IPO7: variants seen among roughly 807,000 people sequenced by gnomAD.
IPO7 encodes the protein importin-7.
A neutral mutation model predicts 136.4 loss-of-function variants in IPO7; 13 were observed. The ratio of observed to expected loss-of-function variants is 0.10; its 90% confidence interval spans 0.06 to 0.15. The LOEUF (loss-of-function observed/expected upper bound fraction) is 0.15, where lower values mean the gene tolerates loss of function less well. Ranked by LOEUF, IPO7 falls within the 10% of genes least tolerant of loss-of-function variation. IPO7 has a pLI of 1.00. For synonymous variants in IPO7, 403 were observed against 404.4 expected (o/e 1.00, Z 0.04); for missense variants, 857 against 1,240.6 (o/e 0.69, Z 4.65).
At chr11:9,411,653 A>G (rs1854969789) in intron 4 of IPO7, among the ~76,000 whole-genome samples, 1 of 152,128 alleles carries the variant, frequency 6.6e-6, no homozygotes, top group South Asian at 2.1e-4. Flanking sequence ...ATTTTTTTTT[A>G]ACAGAATAGT....
At chr11:9,392,183 T>TC (rs1854643353) in intron 1 of IPO7, 1 of 332,146 alleles carries the variant, frequency 3.0e-6, no homozygotes, top group Non-Finnish European at 5.8e-6. Flanking sequence ...TTTTTTTTTT[T>TC]TTTTTTTTTT....
chr11:9,395,786 G>A (rs1854699876), intron 1 of IPO7, among the ~76,000 whole-genome samples: 1 of 151,968 alleles, frequency 6.6e-6, no homozygotes, highest in Non-Finnish European at 1.5e-5. Context: ...GCGCAATCTC[G>A]GCTCACTGCA....
Position 9,433,765 on chromosome 11 carries a change from C to A in IPO7, c.1993C>A (p.Gln665Lys). 1 of 1,611,820 alleles carries A rather than the reference C, an allele frequency of 6.2e-7. No individual in the cohort carries two copies. Among genetic ancestry groups the A allele is most frequent in the South Asian group, 1.1e-5 (1 of 90,978 alleles). The change falls in exon 18 of 25, where the codon CAA becomes AAA. Residue 665 changes from glutamine to lysine, a missense_variant. Transcript: ENST00000379719. ...CTCTTTAGCGCACAGTTTGACATGT[C>A]AACAAGTGTCTCCACAGATGTGGCA... is the stretch of plus-strand genomic sequence containing the variant. ...IFSLAHSLTC[Q>K]QVSPQMWQLL...
chr11:9,419,559 AATATATATATAT>A (rs1244588095), intron 6 of IPO7, among the ~76,000 whole-genome samples: 2 of 116,866 alleles, frequency 1.7e-5, no homozygotes, highest in East Asian at 2.4e-4. Context: ...AAAAAAAAAA[AATATATATATAT>A]ATATATATAT....
rs147354489 is a variant in IPO7 at position 9,429,793 on chromosome 11, G to A, written c.1711G>A (p.Glu571Lys). The part of the protein sequence containing the change: ...VIQKMICEYS[E>K]EVTPIAVEMT... ...TCAGAAAATGATCTGTGAATATAGT[G>A]AAGAAGTTACTCCTATTGCAGTAGA... is the stretch of plus-strand genomic sequence containing the variant. The change falls in exon 15 of 25, where the codon GAA (glutamate) becomes AAA (lysine). Residue 571 changes from glutamate to lysine, a missense_variant. Coordinates refer to ENST00000379719, the MANE Select transcript of IPO7 (RefSeq NM_006391.3). 6.6e-5 allele frequency: 106 copies of A among 1,602,740 alleles called. No individual in the cohort carries two copies. In the African/African-American group the frequency reaches 1.3e-3, roughly 19 times the overall value.
At chr11:9,406,590 G>T (rs927752465) in intron 2 of IPO7, among the ~76,000 whole-genome samples, 1 of 152,092 alleles carries the variant, frequency 6.6e-6, no homozygotes, top group Non-Finnish European at 1.5e-5. Flanking sequence ...TATACTTGGG[G>T]CTGGCCACGG....
chr11:9,391,523 T>G (rs971360783), intron 1 of IPO7, among the ~76,000 whole-genome samples: 1 of 152,050 alleles, frequency 6.6e-6, no homozygotes, highest in Non-Finnish European at 1.5e-5. Flanking sequence ...CTGGCTAACA[T>G]GGTGAAACCC....
chr11:9,420,023 C>G (rs1054262015), intron 6 of IPO7, among the ~76,000 whole-genome samples: 5 of 152,176 alleles, frequency 3.3e-5, no homozygotes, highest in African/African-American at 1.2e-4. Context: ...TAACCTTCTA[C>G]TATGAAAGGC....
intron 1 of IPO7, among the ~76,000 whole-genome samples, chr11:9,395,878 G>A (rs1854701130): frequency 6.6e-6 from 1 of 151,106 alleles, no homozygotes; most frequent in Non-Finnish European, 1.5e-5. Flanking sequence ...CACCACGTCT[G>A]GCTAATTTTT....
rs745915551 is a variant in IPO7, at chr11:9,420,420, C to G, written c.736C>G (p.Gln246Glu). The change falls in exon 7 of 25, where the codon CAA (glutamine) becomes GAA (glutamate). Residue 246 changes from glutamine (Q) to glutamate (E), a missense_variant. Coordinates refer to ENST00000379719, the MANE Select transcript of IPO7 (RefSeq NM_006391.3). Reference sequence around the variant, plus strand: ...AAGTGTCTTTTTAAAGGAAACACTTCAAGTTGAAGAAGATGATCGACCTGA... The same window carrying G: ...AAGTGTCTTTTTAAAGGAAACACTTGAAGTTGAAGAAGATGATCGACCTGA... ...VNRDVPNETLQVEEDDRPELP... is the reference protein window; with the variant it reads ...VNRDVPNETLEVEEDDRPELP... 7 of 1,605,680 alleles carry G rather than the reference C, an allele frequency of 4.4e-6. No individual in the cohort carries two copies. The highest frequency in any genetic ancestry group is 2.7e-5 in the African/African-American group (2 of 74,660).
At chr11:9,408,310 C>G (rs1854917021) in intron 2 of IPO7, among the ~76,000 whole-genome samples, 176 bp from the exon 3 acceptor site, 1 of 152,144 alleles carries the variant, frequency 6.6e-6, no homozygotes, top group Non-Finnish European at 1.5e-5. Context: ...ATTGCTGTAA[C>G]AGTGTTCAAT....
At chr11:9,427,369 T>G (rs1224734212) in intron 12 of IPO7, among the ~76,000 whole-genome samples, 1 of 152,066 alleles carries the variant, frequency 6.6e-6, no homozygotes, top group Non-Finnish European at 1.5e-5. Context: ...CAAGCGATTC[T>G]CCTGCCTCAG....
rs200083213 is a variant in IPO7, at chr11:9,442,980, A to G, written c.3019+783A>G. ...GGAGGTTGCAGTGAGTTGAGATTGC[A>G]CTACTGTTCTCCATCCTGGGCAACA... is the stretch of plus-strand genomic sequence containing the variant. On this transcript the variant is annotated intron_variant, in intron 24 of 24. Coordinates refer to ENST00000379719, the MANE Select transcript of IPO7 (RefSeq NM_006391.3). Among the ~76,000 whole-genome samples, 4 of 151,696 alleles carry G rather than the reference A, an allele frequency of 2.6e-5. No homozygotes were observed. In the East Asian group the frequency reaches 7.9e-4, roughly 30 times the overall value.
chr11:9,410,049 A>G lies in IPO7; in HGVS notation c.442A>G (p.Ile148Val). The G allele has an allele frequency of 6.2e-7, 1 of 1,604,294 alleles. No individual in the cohort carries two copies. Among genetic ancestry groups the G allele is most frequent in the Admixed American group, 1.7e-5 (1 of 58,068 alleles). The change falls in exon 4 of 25, where the codon ATT (isoleucine) becomes GTT (valine). Residue 148 changes from isoleucine (I) to valine (V), a missense_variant. By Grantham distance (29) the Ile-to-Val change is conservative. Coordinates refer to ENST00000379719, the MANE Select transcript of IPO7 (RefSeq NM_006391.3). Reference sequence around the variant, plus strand: ...CGATAACAGTGCTTGTTGGCTAGGAATTCTTCTTTGCCTTTATCAGCTTGT... The same window carrying G: ...CGATAACAGTGCTTGTTGGCTAGGAGTTCTTCTTTGCCTTTATCAGCTTGT... ...QSDNSACWLG[I>V]LLCLYQLVKN...
intron 6 of IPO7, 145 bp from the exon 7 acceptor site, chr11:9,420,266 G>A (rs1269810491): frequency 1.0e-5 from 6 of 574,246 alleles, no homozygotes; most frequent in Non-Finnish European, 1.8e-5. Flanking sequence ...GCAGTGAGCT[G>A]AGATGGCAAT....
chr11:9,406,134 G>C, intron 2 of IPO7, among the ~76,000 whole-genome samples: 1 of 12,556 alleles, frequency 8.0e-5, no homozygotes, highest in South Asian at 2.4e-3. Context: ...TTTTTTTTTA[G>C]TAGAGACGGG....
At chr11:9,430,702 A>G (rs1445216145) in intron 15 of IPO7, 173 bp from the exon 16 acceptor site, 6 of 589,168 alleles carry the variant, frequency 1.0e-5, no homozygotes, top group African/African-American at 7.5e-5. Context: ...AGGTCACCCA[A>G]TGAGCAGACT....
In IPO7 at chr11:9,388,118, G is replaced by C. The variant is rs146810997; in HGVS notation, c.84+3271G>C. On this transcript the variant is annotated intron_variant, in intron 1 of 24. Transcript: ENST00000379719. ...GCCGAGATCGTACCATTGCACTCCA[G>C]CCTGAGCAACAAGAGCGAAACTGCG... Among the ~76,000 whole-genome samples the C allele has an allele frequency of 8.9e-3, 1,353 of 151,932 alleles. 27 individuals are homozygous for C. The highest frequency in any genetic ancestry group is 0.031 in the African/African-American group (1,299 of 41,486).
intron 21 of IPO7, 23 bp from the exon 22 acceptor site, chr11:9,438,057 T>TTG (rs1049365682): frequency 8.1e-6 from 4 of 492,980 alleles, no homozygotes; most frequent in Non-Finnish European, 1.1e-5. Context: ...TTTTTTTTTT[T>TTG]TTTTTTTTTT....
Sources: gnomAD v4.1 joint callset for allele counts (sites outside exome capture counted in the v4.1 genomes callset) on GRCh38, gnomAD v4.1.1 for gene constraint, MANE v1.5 for transcripts, NCBI Gene and HGNC (gene_info 2026-07-23, HGNC 2026-07-21) for gene names.